Variants in FYB1 observed in about 807,000 individuals in gnomAD.
FYB1 encodes FYN binding protein 1, also known as FYN-binding protein 1.
A neutral mutation model predicts 94.1 loss-of-function variants in FYB1; 41 were observed. The observed-to-expected ratio is 0.44, with a 90% CI of 0.34 to 0.57. The LOEUF (loss-of-function observed/expected upper bound fraction) is 0.57, where lower values mean the gene tolerates loss of function less well. Ranked by LOEUF, FYB1 falls within the 20% of genes least tolerant of loss-of-function variation. The probability of loss-of-function intolerance (pLI) is 0.02; values close to 1 mark genes in which losing one functional copy is unlikely to be tolerated. For missense variants in FYB1, 1,050 were observed against 976.8 expected, an observed-to-expected ratio of 1.07 and a Z score of -1.00; for synonymous variants, 367 against 353.2, an observed-to-expected ratio of 1.04 and a Z score of -0.44.
At chr5:39,108,084 C>A (rs1738695822) in intron 18 of FYB1, 147 bp downstream of exon 18, 1 of 678,280 alleles carries the variant, frequency 1.5e-6, no homozygotes, top group Non-Finnish European at 2.3e-6. Context: ...CCCCATTATG[C>A]CAGGGCATTT....
chr5:39,265,723 T>C (rs1241567396), intron 1 of FYB1, among the ~76,000 whole-genome samples: 1 of 152,156 alleles, frequency 6.6e-6, no homozygotes, highest in African/African-American at 2.4e-5. Context: ...ACCCTCCCAG[T>C]GATTCTCATG....
At chr5:39,164,903 A>G (rs1281789163) in intron 2 of FYB1, among the ~76,000 whole-genome samples, 1 of 152,220 alleles carries the variant, frequency 6.6e-6, no homozygotes, top group Admixed American at 6.5e-5. Context: ...ATTGTAATGC[A>G]CTGGAGAAAG....
intron 1 of FYB1, among the ~76,000 whole-genome samples, chr5:39,258,782 A>C (rs1276806531): frequency 6.6e-6 from 1 of 152,192 alleles, no homozygotes; most frequent in East Asian, 1.9e-4. Context: ...AATGAAAAAA[A>C]ATGTAAAGAT....
intron 2 of FYB1, chr5:39,169,808 C>T (rs1192493429): frequency 2.0e-6 from 1 of 508,084 alleles, no homozygotes; most frequent in African/African-American, 2.0e-5. Flanking sequence ...AAAGAATTTT[C>T]TTCAGTGGTT....
chr5:39,220,520 A>G (rs1278164844), upstream of FYB1, among the ~76,000 whole-genome samples: 1 of 152,080 alleles, frequency 6.6e-6, no homozygotes, highest in Non-Finnish European at 1.5e-5. Context: ...AGACAAGAAA[A>G]GAAAAGAAAC....
intron 10 of FYB1, 34 bp from the exon 11 acceptor site, chr5:39,127,841 T>A (rs921070269): frequency 3.2e-6 from 5 of 1,567,730 alleles, no homozygotes; most frequent in Non-Finnish European, 4.3e-6. Context: ...CTTCTGTTAA[T>A]TTTATAATTT....
chr5:39,119,379 A>G (rs1739870679), intron 15 of FYB1, among the ~76,000 whole-genome samples, 156 bp downstream of exon 15: 1 of 152,132 alleles, frequency 6.6e-6, no homozygotes, highest in South Asian at 2.1e-4. Flanking sequence ...AAAGAGTTAT[A>G]ACGGCTAACT....
At chr5:39,255,618 T>C (rs1042724584) in intron 1 of FYB1, among the ~76,000 whole-genome samples, 1 of 152,182 alleles carries the variant, frequency 6.6e-6, no homozygotes. Context: ...AGTCCAAACA[T>C]GTCCAAAATC....
chr5:39,189,347 A>C (rs1404009835), intron 2 of FYB1, among the ~76,000 whole-genome samples: 1 of 151,466 alleles, frequency 6.6e-6, no homozygotes, highest in African/African-American at 2.4e-5. Context: ...CCGTACTTGC[A>C]TTGGAATTGA....
intron 1 of FYB1, among the ~76,000 whole-genome samples, chr5:39,217,356 A>C (rs779576321): frequency 1.9e-4 from 29 of 152,198 alleles, no homozygotes; most frequent in Non-Finnish European, 3.1e-4. Flanking sequence ...GGATCTGTCC[A>C]GGTTCACACA....
At chr5:39,208,383 C>T (rs923724030) in intron 1 of FYB1, among the ~76,000 whole-genome samples, 1 of 152,098 alleles carries the variant, frequency 6.6e-6, no homozygotes, top group Non-Finnish European at 1.5e-5. Flanking sequence ...ATGGTGGAGG[C>T]AGTAAATGAA....
Position 39,127,825 on chromosome 5 carries a change from G to T in FYB1, c.1841-18C>A. 1 of 1,584,568 alleles carries T rather than the reference G, an allele frequency of 6.3e-7. No homozygotes were observed. Among genetic ancestry groups the T allele is most frequent in the Non-Finnish European group, 8.6e-7 (1 of 1,167,736 alleles). On this transcript the variant is annotated intron_variant, in intron 10 of 18. Transcript: ENST00000512982. ...GAATATCCCTTCATTTGGATTGGAG[G>T]AAAATCTTCTGTTAATTTTATAATT...
chr5:39,220,927 T>C (rs761948902), upstream of FYB1, among the ~76,000 whole-genome samples: 1 of 152,330 alleles, frequency 6.6e-6, no homozygotes, highest in South Asian at 2.1e-4. Context: ...ACAATGATGA[T>C]GACAACAATG....
chr5:39,254,544 C>T (rs1662739611), intron 1 of FYB1, among the ~76,000 whole-genome samples: 1 of 152,148 alleles, frequency 6.6e-6, no homozygotes, highest in Admixed American at 6.5e-5. Flanking sequence ...TATTGGTTGG[C>T]ATGAATATCC....
intron 18 of FYB1, 36 bp from the exon 19 acceptor site, chr5:39,107,501 T>A (rs1295166168): frequency 1.4e-6 from 2 of 1,394,086 alleles, no homozygotes; most frequent in African/African-American, 2.9e-5. Context: ...ATATAGTTAT[T>A]AAAAACATAT....
Position 39,202,094 on chromosome 5 carries a change from A to G in FYB1, c.867T>C (p.Asp289=). The G allele has an allele frequency of 5.0e-6, 8 of 1,614,048 alleles. No individual in the cohort carries two copies. Among genetic ancestry groups the G allele is most frequent in the Non-Finnish European group, 6.8e-6 (8 of 1,179,906 alleles). The change falls in exon 2 of 19, where the codon GAT becomes GAC. Residue 289 remains aspartate (D), a synonymous_variant. Transcript: ENST00000512982. The part of the protein sequence containing the change: ...GEEKKEDRKI[D]AAKNTFQSKI... ...TGCTCTGGAAGGTGTTCTTAGCAGCATCTATCTTCCTATCTTCCTTTTTTT... is the reference window on the plus strand; with the variant it reads ...TGCTCTGGAAGGTGTTCTTAGCAGCGTCTATCTTCCTATCTTCCTTTTTTT...
intron 16 of FYB1, among the ~76,000 whole-genome samples, chr5:39,112,368 AATG>A (rs1426707154): frequency 6.6e-6 from 1 of 152,050 alleles, no homozygotes; most frequent in African/African-American, 2.4e-5. Flanking sequence ...ATTTAAAAAT[AATG>A]ATGTATATGA....
rs1460003025 is a variant in FYB1 at position 39,140,977 on chromosome 5, G to A, written c.1339+118C>T. The A allele has an allele frequency of 9.4e-5, 63 of 673,700 alleles. No homozygotes were observed. The East Asian group carries it at 1.7e-3, about 19-fold the overall frequency. The allele number at this position is 673,700 out of a possible 1,614,324, so 41.7% of individuals were successfully genotyped here. On this transcript the variant is annotated intron_variant, in intron 4 of 18. Transcript: ENST00000512982. ...AGGGAATAAACAAATAAAACGAGAGGGGCCTTGCACAGACCAGTGATGATA... is the reference window on the plus strand; with the variant it reads ...AGGGAATAAACAAATAAAACGAGAGAGGCCTTGCACAGACCAGTGATGATA...
intron 1 of FYB1, among the ~76,000 whole-genome samples, chr5:39,265,586 G>A (rs761645416): frequency 3.3e-5 from 5 of 152,142 alleles, no homozygotes; most frequent in Non-Finnish European, 7.3e-5. Context: ...GAACCTGGGA[G>A]GCGGAGGCTG....
Sources: gnomAD v4.1 joint callset for allele counts (sites outside exome capture counted in the v4.1 genomes callset) on GRCh38, gnomAD v4.1.1 for gene constraint, MANE v1.5 for transcripts, NCBI Gene and HGNC (gene_info 2026-07-23, HGNC 2026-07-21) for gene names.